DPP6: variants seen among roughly 807,000 people sequenced by gnomAD.
DPP6 encodes A-type potassium channel modulatory protein DPP6.
A neutral mutation model predicts 122.6 loss-of-function variants in DPP6; 69 were observed. That is an observed-to-expected ratio of 0.56 (90% CI 0.46 to 0.69). DPP6 has a LOEUF of 0.69. DPP6 is among the 30% of genes least tolerant of loss of function. The probability of loss-of-function intolerance (pLI) is 0.00; values close to 1 mark genes in which losing one functional copy is unlikely to be tolerated. For synonymous variants in DPP6, 418 were observed against 433.1 expected (o/e 0.97, Z 0.43); for missense variants, 928 against 1,116.9 (o/e 0.83, Z 2.41).
chr7:154,065,001 C>T (rs1802589268), intron 1 of DPP6, among the ~76,000 whole-genome samples: 1 of 152,096 alleles, frequency 6.6e-6, no homozygotes, highest in Non-Finnish European at 1.5e-5. Context: ...AAAATGCACC[C>T]CTCCTTTCAG....
intron 1 of DPP6, among the ~76,000 whole-genome samples, chr7:154,306,077 TG>T (rs1200485340): frequency 6.6e-5 from 10 of 152,206 alleles, no homozygotes; most frequent in African/African-American, 2.2e-4. Context: ...CCTTTCCTCC[TG>T]TTTCCCTCAA....
At chr7:153,865,564 T>C in the DPP6 span, among the ~76,000 whole-genome samples, 3 of 152,208 alleles carry the variant, frequency 2.0e-5, no homozygotes, top group Non-Finnish European at 4.4e-5. Context: ...TATAAAAATA[T>C]ATCACAAGTA....
intron 16 of DPP6, among the ~76,000 whole-genome samples, chr7:154,834,201 C>A (rs1800848163): frequency 6.6e-6 from 1 of 151,934 alleles, no homozygotes; most frequent in African/African-American, 2.4e-5. Context: ...GGTGCAGTGG[C>A]TCACTCCTGT....
chr7:153,873,034 T>C, the DPP6 span, among the ~76,000 whole-genome samples: 1 of 152,222 alleles, frequency 6.6e-6, no homozygotes, highest in East Asian at 1.9e-4. Flanking sequence ...GCTGTACAAG[T>C]AGCATGGAGC....
Position 154,816,900 on chromosome 7 carries a change from G to A in DPP6, c.1666+9788G>A, listed in dbSNP as rs189589820. Among the ~76,000 whole-genome samples the A allele has an allele frequency of 1.3e-3, 198 of 152,308 alleles. 3 individuals carry two copies. The highest frequency in any genetic ancestry group is 0.012 in the Admixed American group (191 of 15,300). On this transcript the variant is annotated intron_variant, in intron 16 of 25. Coordinates refer to ENST00000377770, the MANE Select transcript of DPP6 (RefSeq NM_130797.4). ...AATCAACTGTCAGGCATGGCAATGAGTACCTGGTGGCTTCCAGAGTGCATG... is the reference window on the plus strand; with the variant it reads ...AATCAACTGTCAGGCATGGCAATGAATACCTGGTGGCTTCCAGAGTGCATG...
At chr7:154,639,790 G>A (rs1179846290) in intron 6 of DPP6, among the ~76,000 whole-genome samples, 1 of 152,126 alleles carries the variant, frequency 6.6e-6, no homozygotes, top group Non-Finnish European at 1.5e-5. Context: ...CAAGAATAAT[G>A]CCCCTGGTTT....
chr7:154,280,528 C>T lies in DPP6; in HGVS notation c.244-165686C>T, dbSNP rs114297076. Among the ~76,000 whole-genome samples the T allele has an allele frequency of 2.7e-3, 414 of 152,298 alleles. 2 individuals are homozygous for T. Among genetic ancestry groups the T allele is most frequent in the African/African-American group, 9.6e-3 (399 of 41,570 alleles). On this transcript the variant is annotated intron_variant, in intron 1 of 25. Transcript: ENST00000377770. ...CTGTAGGGACTGGGGACAACATATCCAGCGCAGAGCTTGGTTTTATTAGAG... is the reference window on the plus strand; with the variant it reads ...CTGTAGGGACTGGGGACAACATATCTAGCGCAGAGCTTGGTTTTATTAGAG...
chr7:154,375,924 G>A (rs1436487087), intron 1 of DPP6, among the ~76,000 whole-genome samples: 1 of 152,086 alleles, frequency 6.6e-6, no homozygotes, highest in East Asian at 1.9e-4. Flanking sequence ...TCACACTCAG[G>A]AGCACATATA....
At chr7:153,894,300 G>T (rs1799319615) in intron 1 of DPP6, among the ~76,000 whole-genome samples, 1 of 152,148 alleles carries the variant, frequency 6.6e-6, no homozygotes, top group South Asian at 2.1e-4. Context: ...CAACATAGAA[G>T]AATTCCATGA....
At chr7:153,841,643 T>G in the DPP6 span, among the ~76,000 whole-genome samples, 4 of 152,240 alleles carry the variant, frequency 2.6e-5, 1 homozygote, top group Non-Finnish European at 5.9e-5. Context: ...TCTTTTCACA[T>G]TTCACTTATA....
chr7:154,600,208 A>G (rs1833348789), intron 5 of DPP6, among the ~76,000 whole-genome samples: 1 of 148,988 alleles, frequency 6.7e-6, no homozygotes, highest in Non-Finnish European at 1.5e-5. Flanking sequence ...GCTCACTGCA[A>G]CCTCTGCCTC....
chr7:153,930,426 GC>G (rs1360475253), intron 1 of DPP6, among the ~76,000 whole-genome samples: 3 of 152,154 alleles, frequency 2.0e-5, no homozygotes, highest in Non-Finnish European at 4.4e-5. Context: ...GATGTTCTCA[GC>G]AGGATATGGC....
intron 1 of DPP6, among the ~76,000 whole-genome samples, chr7:154,042,472 G>A (rs1335637852): frequency 6.6e-6 from 1 of 152,146 alleles, no homozygotes; most frequent in Non-Finnish European, 1.5e-5. Flanking sequence ...AGCATTAATT[G>A]GATGAAAAAT....
At chr7:154,613,929 A>T (rs989688701) in intron 5 of DPP6, among the ~76,000 whole-genome samples, 5 of 152,212 alleles carry the variant, frequency 3.3e-5, no homozygotes, top group African/African-American at 1.2e-4. Flanking sequence ...CCCTGCGCCA[A>T]GCCTCCAGAT....
At chr7:154,831,962 T>A (rs913900654) in intron 16 of DPP6, among the ~76,000 whole-genome samples, 1 of 152,212 alleles carries the variant, frequency 6.6e-6, no homozygotes, top group East Asian at 1.9e-4. Flanking sequence ...TCATCACAAG[T>A]TAAACCCACA....
At chr7:154,161,463 C>T (rs1309674759) in intron 1 of DPP6, among the ~76,000 whole-genome samples, 2 of 151,890 alleles carry the variant, frequency 1.3e-5, no homozygotes, top group Non-Finnish European at 2.9e-5. Flanking sequence ...TACCATCGCA[C>T]CCCAGCCTGG....
chr7:154,843,057 GAA>G (rs1356703271), intron 16 of DPP6, among the ~76,000 whole-genome samples: 1 of 152,196 alleles, frequency 6.6e-6, no homozygotes, highest in Non-Finnish European at 1.5e-5. Flanking sequence ...AATGCATAGA[GAA>G]TCAGATATCT....
intron 1 of DPP6, among the ~76,000 whole-genome samples, chr7:153,987,286 A>T (rs1796894205): frequency 6.6e-6 from 1 of 152,182 alleles, no homozygotes; most frequent in Non-Finnish European, 1.5e-5. Flanking sequence ...CTCCACTAAG[A>T]CAGCTTCTAG....
At chr7:154,836,101 G>A (rs1801031499) in intron 16 of DPP6, among the ~76,000 whole-genome samples, 2 of 152,194 alleles carry the variant, frequency 1.3e-5, no homozygotes, top group Non-Finnish European at 2.9e-5. Flanking sequence ...AAGCTGGCCT[G>A]AGGCCTAATC....
Sources: gnomAD v4.1 joint callset for allele counts (sites outside exome capture counted in the v4.1 genomes callset) on GRCh38, gnomAD v4.1.1 for gene constraint, MANE v1.5 for transcripts, NCBI Gene and HGNC (gene_info 2026-07-23, HGNC 2026-07-21) for gene names.